NTN4: variants seen among roughly 807,000 people sequenced by gnomAD.
The protein encoded by NTN4 is netrin-4.
NTN4 carries 32 observed loss-of-function variants against 73.6 expected under a neutral mutation model. That is an observed-to-expected ratio of 0.44 (90% confidence interval 0.33 to 0.58). The LOEUF (loss-of-function observed/expected upper bound fraction) is 0.58. NTN4 is among the 20% of genes least tolerant of loss of function. The probability of loss-of-function intolerance (pLI) is 0.04; values close to 1 mark genes in which losing one functional copy is unlikely to be tolerated. For missense variants in NTN4, 654 were observed against 798.3 expected (o/e 0.82, Z 2.18); for synonymous variants, 258 against 287.5 (o/e 0.90, Z 1.04).
intron 9 of NTN4, among the ~76,000 whole-genome samples, chr12:95,665,058 T>C (rs1372065383): frequency 1.3e-5 from 2 of 152,134 alleles, no homozygotes; most frequent in African/African-American, 2.4e-5. Flanking sequence ...TGGGTACTAA[T>C]GGTAGGTATT....
chr12:95,691,959 A>G (rs1227870796), intron 5 of NTN4, among the ~76,000 whole-genome samples: 1 of 152,106 alleles, frequency 6.6e-6, no homozygotes, highest in East Asian at 1.9e-4. Flanking sequence ...GGCAAAACAA[A>G]ATTATTAAAA....
chr12:95,677,072 TA>T (rs2078279086), intron 7 of NTN4, among the ~76,000 whole-genome samples: 1 of 152,038 alleles, frequency 6.6e-6, no homozygotes, highest in South Asian at 2.1e-4. Flanking sequence ...CCATCTCTAC[TA>T]AAAATACAAA....
At chr12:95,733,307 G>C (rs2078751889) in intron 3 of NTN4, among the ~76,000 whole-genome samples, 1 of 152,220 alleles carries the variant, frequency 6.6e-6, no homozygotes, top group South Asian at 2.1e-4. Flanking sequence ...GATTCCAGCA[G>C]GCTGGAGTCA....
intron 5 of NTN4, among the ~76,000 whole-genome samples, chr12:95,688,007 C>T (rs926264575): frequency 1.3e-5 from 2 of 152,020 alleles, no homozygotes; most frequent in African/African-American, 2.4e-5. Context: ...AGAGTCAGGT[C>T]GGATGGTAAT....
chr12:95,715,513 T>G (rs1210196631), intron 3 of NTN4, among the ~76,000 whole-genome samples: 2 of 152,178 alleles, frequency 1.3e-5, no homozygotes, highest in African/African-American at 4.8e-5. Flanking sequence ...CTTGGCCTTC[T>G]CTTCATGGCT....
intron 5 of NTN4, among the ~76,000 whole-genome samples, chr12:95,690,551 T>C (rs1244181998): frequency 6.6e-6 from 1 of 152,200 alleles, no homozygotes; most frequent in African/African-American, 2.4e-5. Context: ...CATTTAGGCA[T>C]TTTTCTCTTA....
intron 2 of NTN4, among the ~76,000 whole-genome samples, chr12:95,771,885 T>C (rs2079061328): frequency 6.6e-6 from 1 of 152,108 alleles, no homozygotes; most frequent in Non-Finnish European, 1.5e-5. Flanking sequence ...TTTTAGGTCA[T>C]GTTTTGAAAA....
At chr12:95,665,727 A>G in intron 9 of NTN4, 83 bp downstream of exon 9, 3 of 1,061,456 alleles carry the variant, frequency 2.8e-6, no homozygotes, top group Non-Finnish European at 4.1e-6. Context: ...GAGTTTGTTT[A>G]TGTTGTGCTT....
chr12:95,703,716 A>T (rs79438228), intron 5 of NTN4, among the ~76,000 whole-genome samples: 2,644 of 152,314 alleles, frequency 0.017, 41 homozygotes, highest in African/African-American at 0.036. Context: ...TACCACAGAA[A>T]CATATTTATT....
At chr12:95,790,936 G>GGGC (rs1555222884), upstream of NTN4, among the ~76,000 whole-genome samples, 2 of 149,330 alleles carry the variant, frequency 1.3e-5, 1 homozygote, top group East Asian at 4.0e-4. The surrounding 1 kb of genome is among the most constrained non-coding windows in gnomAD (Gnocchi z 6.5). Flanking sequence ...CCCGGGGGGG[G>GGGC]GGTCCCCCGC....
intron 5 of NTN4, among the ~76,000 whole-genome samples, chr12:95,689,779 T>C (rs2078388374): frequency 6.6e-6 from 1 of 152,242 alleles, no homozygotes; most frequent in South Asian, 2.1e-4. Context: ...TCCAATGCAG[T>C]TGAGTATGAT....
rs1555221586 is a variant in NTN4 at position 95,770,992 on chromosome 12, G to GTTTTGTTTTTCTTTTTTTTTT, written c.585+15946_585+15947insAAAAAAAAAAGAAAAACAAAA. On this transcript the variant is annotated intron_variant, in intron 2 of 9. Transcript: ENST00000343702. ...GATGAACCATCCAGGAAAAGAATTT[G>GTTTTGTTTTTCTTTTTTTTTT]TTTTTTTTTTTTTTTGAGACAGAGT... Among the ~76,000 whole-genome samples the GTTTTGTTTTTCTTTTTTTTTT allele has an allele frequency of 3.2e-4, 23 of 70,828 alleles. 1 individual carries two copies. Among genetic ancestry groups the GTTTTGTTTTTCTTTTTTTTTT allele is most frequent in the Admixed American group, 5.2e-4 (4 of 7,750 alleles). The allele number at this position is 70,828 out of a possible 152,430, so 46.5% of individuals were successfully genotyped here. A position where few individuals can be genotyped will look rare whatever the true frequency, so the allele number is the denominator to read the frequency against.
At chr12:95,721,424 G>A (rs1333970966) in intron 3 of NTN4, among the ~76,000 whole-genome samples, 1 of 152,118 alleles carries the variant, frequency 6.6e-6, no homozygotes, top group Non-Finnish European at 1.5e-5. Flanking sequence ...GATCTTCACT[G>A]GTTCTATGTA....
chr12:95,786,954 T>C lies in NTN4; in HGVS notation c.570A>G (p.Pro190=), dbSNP rs2079172061. The change falls in exon 2 of 10, where the codon CCA becomes CCG. Residue 190 remains proline, a synonymous_variant. Coordinates refer to ENST00000343702, the MANE Select transcript of NTN4 (RefSeq NM_021229.4). ...ICTSKYSSPF[P]CTGGEVIFKA... ...GTGCCCTTACCTCTCCTCCAGTGCA[T>C]GGAAAAGGACTGGAGTATTTAGAAG... 6.2e-7 allele frequency: 1 copy of C among 1,614,056 alleles called. No homozygotes were observed. The highest frequency in any genetic ancestry group is 8.5e-7 in the Non-Finnish European group (1 of 1,179,942).
intron 5 of NTN4, among the ~76,000 whole-genome samples, chr12:95,708,782 T>C (rs879865159): frequency 1.6e-4 from 24 of 152,310 alleles, no homozygotes; most frequent in Admixed American, 1.5e-3. Flanking sequence ...ACACACTTTG[T>C]CTTATATAGT....
chr12:95,670,632 A>G (rs1277621572), intron 7 of NTN4: 1 of 152,364 alleles, frequency 6.6e-6, no homozygotes, highest in Non-Finnish European at 1.5e-5. Flanking sequence ...GGTGCTTCGC[A>G]CTTCAGCACC....
rs539059808 is a variant in NTN4, at chr12:95,758,978, T to C, written c.586-20834A>G. 8.5e-5 allele frequency among the ~76,000 whole-genome samples: 13 copies of C among 152,358 alleles called. No homozygotes were observed. The South Asian group carries it at 2.7e-3, about 32-fold the overall frequency. On this transcript the variant is annotated intron_variant, in intron 2 of 9. Coordinates refer to ENST00000343702, the MANE Select transcript of NTN4 (RefSeq NM_021229.4). ...GGTCATAAATATTTTCTCCTAGAAG[T>C]TGTATAGATTTCAGCTCTTATATTT... is the stretch of plus-strand genomic sequence containing the variant.
At chr12:95,734,674 A>C (rs1348750728) in intron 3 of NTN4, among the ~76,000 whole-genome samples, 3 of 152,222 alleles carry the variant, frequency 2.0e-5, no homozygotes, top group Admixed American at 1.3e-4. Flanking sequence ...ATCTATGCCT[A>C]TGTTCCTAAT....
At chr12:95,749,483 C>T (rs2078887879) in intron 2 of NTN4, among the ~76,000 whole-genome samples, 1 of 152,206 alleles carries the variant, frequency 6.6e-6, no homozygotes, top group African/African-American at 2.4e-5. Flanking sequence ...GTCCCTCAAC[C>T]ACTTTCTCCT....
Sources: gnomAD v4.1 joint callset for allele counts (sites outside exome capture counted in the v4.1 genomes callset) on GRCh38, gnomAD v4.1.1 for gene constraint, Gnocchi (gnomAD v3.1) non-coding constraint, MANE v1.5 for transcripts, NCBI Gene and HGNC (gene_info 2026-07-23, HGNC 2026-07-21) for gene names.